The following NTRK1 variants were observed in gnomAD, a reference collection of about 807,000 sequenced individuals.
The protein encoded by NTRK1 is high affinity nerve growth factor receptor.
Under a neutral mutation model 86.8 loss-of-function variants are expected in NTRK1, and 62 were observed. The ratio of observed to expected loss-of-function variants is 0.71; its 90% confidence interval spans 0.58 to 0.88. The LOEUF (loss-of-function observed/expected upper bound fraction) is 0.88, where lower values mean the gene tolerates loss of function less well. Among genes scored for constraint, NTRK1 ranks in the 40% least tolerant of loss-of-function variants. NTRK1 has a pLI of 0.00. For synonymous variants in NTRK1, 469 were observed against 456.6 expected, an observed-to-expected ratio of 1.03 and a Z score of -0.35; for missense variants, 967 against 1,078.4, an observed-to-expected ratio of 0.90 and a Z score of 1.45.
At chr1:156,844,201 G>A (rs2102856215) in intron 2 of NTRK1, 1 of 1,613,886 alleles carries the variant, frequency 6.2e-7, no homozygotes, top group Non-Finnish European at 8.5e-7. Flanking sequence ...AGAAACCAAG[G>A]GCAGCAAGAA....
intron 1 of NTRK1, among the ~76,000 whole-genome samples, chr1:156,819,088 T>G (rs996089132): frequency 1.1e-4 from 16 of 151,998 alleles, no homozygotes; most frequent in African/African-American, 3.4e-4. Flanking sequence ...CTGCAACCTC[T>G]GCCTCCCAGG....
chr1:156,869,479 T>TG (rs2102896779), intron 6 of NTRK1, among the ~76,000 whole-genome samples: 1 of 152,278 alleles, frequency 6.6e-6, no homozygotes, highest in African/African-American at 2.4e-5. Flanking sequence ...GTCTTTTTTC[T>TG]GGAGATTCTG....
At chr1:156,846,516 T>TTC (rs1655014726) in intron 2 of NTRK1, 1 of 1,611,038 alleles carries the variant, frequency 6.2e-7, no homozygotes, top group Non-Finnish European at 8.5e-7. Context: ...TCCAAATGCC[T>TTC]ACCTGCAGGC....
intron 1 of NTRK1, among the ~76,000 whole-genome samples, chr1:156,822,695 A>G (rs1654220186): frequency 6.7e-6 from 1 of 149,998 alleles, no homozygotes; most frequent in South Asian, 2.1e-4. Flanking sequence ...TCCCTCCTCC[A>G]TTCCAGATTC....
chr1:156,816,540 C>CCAAT, intron 1 of NTRK1: 4 of 741,622 alleles, frequency 5.4e-6, no homozygotes, highest in Non-Finnish European at 8.7e-6. Flanking sequence ...GGTCACCCTG[C>CCAAT]CAATCAGCTT....
chr1:156,841,518 C>CG lies in NTRK1; in HGVS notation c.-63-562dup, dbSNP rs761392074. 91 of 1,613,886 alleles carry CG rather than the reference C, an allele frequency of 5.6e-5. No homozygotes were observed. Among genetic ancestry groups the CG allele is most frequent in the Non-Finnish European group, 7.7e-5 (91 of 1,179,978 alleles). ...AGGGTCACAATCTCCCAGAGTACCA[C>CG]GCCAAAGGACCTGGGGGCATGCAGG... On this transcript the variant is annotated intron_variant, in intron 1 of 16. Transcript: ENST00000392302.
intron 16 of NTRK1, chr1:156,880,530 A>T: frequency 3.8e-6 from 1 of 262,304 alleles, no homozygotes; most frequent in South Asian, 5.2e-5. Flanking sequence ...CTGCAGCAGG[A>T]CGGCTGGAGG....
chr1:156,847,617 G>A (rs1807964), intron 2 of NTRK1, among the ~76,000 whole-genome samples: 1 of 152,126 alleles, frequency 6.6e-6, no homozygotes, highest in African/African-American at 2.4e-5. Context: ...GGCCCAGCGG[G>A]AAGTGCCTGC....
intron 1 of NTRK1, among the ~76,000 whole-genome samples, chr1:156,862,723 G>T (rs1440384577): frequency 6.6e-6 from 1 of 152,156 alleles, no homozygotes; most frequent in African/African-American, 2.4e-5. Context: ...CTTTGAGCAC[G>T]CTGGCCTGAC....
intron 8 of NTRK1, 98 bp from the exon 9 acceptor site, chr1:156,874,285 T>C (rs2102908294): frequency 6.4e-7 from 1 of 1,561,370 alleles, no homozygotes. Context: ...CATGAAGGAA[T>C]GAGTCCCAGA....
intron 2 of NTRK1, chr1:156,851,930 CA>C (rs754001877): frequency 6.3e-7 from 1 of 1,599,410 alleles, no homozygotes; most frequent in South Asian, 1.1e-5. Flanking sequence ...CTGGGCCAGG[CA>C]ACTGCCCTGG....
chr1:156,845,222 T>C, intron 2 of NTRK1: 1 of 1,609,940 alleles, frequency 6.2e-7, no homozygotes, highest in African/African-American at 1.3e-5. Context: ...CACCTTGTCC[T>C]CCTGGATCTC....
At position 156,826,339 on chromosome 1, in the gene NTRK1, C is replaced by T. The variant is rs1297508723; in HGVS notation, c.-64+10501C>T. On this transcript the variant is annotated intron_variant, in intron 1 of 16. Transcript: ENST00000392302. The stretch of plus-strand genomic sequence containing the variant: ...TTTCTGAGATGGAGTCTGGCTCTGT[C>T]ACCCAGGCTGGAGTGCAGTGGCGTG... Among the ~76,000 whole-genome samples, 3 of 117,172 alleles carry T rather than the reference C, an allele frequency of 2.6e-5. No homozygotes were observed. In the East Asian group the frequency reaches 9.2e-4, roughly 36 times the overall value. The allele number at this position is 117,172 out of a possible 152,430, so 76.9% of individuals were successfully genotyped here.
intron 2 of NTRK1, among the ~76,000 whole-genome samples, chr1:156,847,749 T>C (rs1473047506): frequency 6.6e-6 from 1 of 151,816 alleles, no homozygotes; most frequent in Non-Finnish European, 1.5e-5. Flanking sequence ...CTGGGTCTGT[T>C]TGGAGTCAGG....
chr1:156,880,259 A>G (rs925575452), intron 16 of NTRK1, 102 bp downstream of exon 16: 4 of 1,334,262 alleles, frequency 3.0e-6, no homozygotes, highest in Non-Finnish European at 4.2e-6. Flanking sequence ...CCTCTGCCAC[A>G]GCCTGTTGGG....
intron 13 of NTRK1, 72 bp from the exon 14 acceptor site, chr1:156,876,328 C>G (rs1800880): frequency 6.2e-7 from 1 of 1,608,152 alleles, no homozygotes; most frequent in Non-Finnish European, 8.5e-7. Flanking sequence ...CCGGGGTGGG[C>G]GGGCTGCCCT....
At chr1:156,843,890 C>A (rs1023690885) in intron 2 of NTRK1, among the ~76,000 whole-genome samples, 2 of 152,246 alleles carry the variant, frequency 1.3e-5, no homozygotes, top group African/African-American at 4.8e-5. Context: ...TCACACCTGA[C>A]AGGTGGTGTG....
At chr1:156,843,225 G>A in intron 2 of NTRK1, 1 of 1,613,982 alleles carries the variant, frequency 6.2e-7, no homozygotes, top group Non-Finnish European at 8.5e-7. Flanking sequence ...CATTCATCAG[G>A]GACATACACT....
At position 156,868,096 on chromosome 1, in the gene NTRK1, C is replaced by G; in HGVS notation, c.429-8C>G. 6.2e-7 allele frequency: 1 copy of G among 1,613,436 alleles called. No individual in the cohort carries two copies. The highest frequency in any genetic ancestry group is 8.5e-7 in the Non-Finnish European group (1 of 1,179,910). ...CTTGACTCTGTTGGTGTCCCCCATG[C>G]CCCCCAGGGTCCTGTCGGGGAACCC... On this transcript the variant is annotated splice_region_variant and splice_polypyrimidine_tract_variant and intron_variant, in intron 4 of 16. Coordinates refer to ENST00000524377, the MANE Select transcript of NTRK1 (RefSeq NM_002529.4).
Sources: gnomAD v4.1 joint callset for allele counts (sites outside exome capture counted in the v4.1 genomes callset) on GRCh38, gnomAD v4.1.1 for gene constraint, MANE v1.5 for transcripts, NCBI Gene and HGNC (gene_info 2026-07-23, HGNC 2026-07-21) for gene names.